The following SLC35F1 variants were observed in gnomAD, a reference collection of about 807,000 sequenced individuals.
SLC35F1 encodes the protein solute carrier family 35 member F1.
SLC35F1 carries 14 observed loss-of-function variants against 48.7 expected under a neutral mutation model. That is an observed-to-expected ratio of 0.29 (90% confidence interval 0.19 to 0.45). SLC35F1 has a LOEUF of 0.45. SLC35F1 is among the 20% of genes least tolerant of loss of function. The pLI, the probability that SLC35F1 is intolerant of heterozygous loss-of-function variation, is 1.00. For synonymous variants in SLC35F1, 190 were observed against 202.2 expected (o/e 0.94, Z 0.51); for missense variants, 404 against 500.0 (o/e 0.81, Z 1.83).
chr6:118,124,234 A>T (rs926971517), intron 1 of SLC35F1, among the ~76,000 whole-genome samples: 1 of 152,262 alleles, frequency 6.6e-6, no homozygotes, highest in East Asian at 1.9e-4. Flanking sequence ...TATTTCTTTC[A>T]ACCCTAAAAT....
At chr6:118,147,099 C>T (rs1773985481) in intron 1 of SLC35F1, among the ~76,000 whole-genome samples, 1 of 152,076 alleles carries the variant, frequency 6.6e-6, no homozygotes, top group Non-Finnish European at 1.5e-5. Flanking sequence ...CACAGGGGTG[C>T]AGGGTACACA....
At chr6:117,978,824 AT>A (rs1323147752) in intron 1 of SLC35F1, among the ~76,000 whole-genome samples, 1 of 152,238 alleles carries the variant, frequency 6.6e-6, no homozygotes, top group Non-Finnish European at 1.5e-5. Flanking sequence ...AGCCTGTCCC[AT>A]TACTTACACT....
At position 118,315,800 on chromosome 6, in the gene SLC35F1, T is replaced by C. The variant is rs1415163903; in HGVS notation, c.*1548T>C. The C allele has an allele frequency of 6.6e-6, 1 of 152,162 alleles. No individual in the cohort carries two copies. Among genetic ancestry groups the C allele is most frequent in the Non-Finnish European group, 1.5e-5 (1 of 68,024 alleles). 9.4% of individuals were successfully genotyped at this position (152,162 alleles called of 1,614,324 possible). A position where few individuals can be genotyped will look rare whatever the true frequency, so the allele number is the denominator to read the frequency against. Reference sequence around the variant, plus strand: ...GATCCTGATAAGACCTTGAGTGATATGTCACTAGTCTAATCTGTTGCCCTT... The same window carrying C: ...GATCCTGATAAGACCTTGAGTGATACGTCACTAGTCTAATCTGTTGCCCTT... On this transcript the variant is annotated 3_prime_UTR_variant, in exon 8 of 8. Coordinates refer to ENST00000360388, the MANE Select transcript of SLC35F1 (RefSeq NM_001029858.4).
intron 3 of SLC35F1, among the ~76,000 whole-genome samples, chr6:118,251,326 A>T (rs9385039): frequency 0.01 from 1,490 of 147,570 alleles, 27 homozygotes; most frequent in African/African-American, 0.035. Flanking sequence ...TGTTTTTTAA[A>T]TTTTTTTTTT....
intron 1 of SLC35F1, among the ~76,000 whole-genome samples, chr6:117,979,113 T>C (rs1031831115): frequency 1.4e-4 from 22 of 152,244 alleles, no homozygotes; most frequent in African/African-American, 5.1e-4. Flanking sequence ...GACTCATTTA[T>C]ATGTTAGTAG....
chr6:118,266,691 A>G (rs1408846980), intron 3 of SLC35F1, among the ~76,000 whole-genome samples: 1 of 152,152 alleles, frequency 6.6e-6, no homozygotes, highest in Non-Finnish European at 1.5e-5. Flanking sequence ...CCTGAGGAAG[A>G]CAGGAGGCAG....
chr6:118,268,584 G>GTGTATATATATATATA (rs1554242737), intron 4 of SLC35F1, among the ~76,000 whole-genome samples: 1 of 67,274 alleles, frequency 1.5e-5, no homozygotes, highest in Admixed American at 1.8e-4. Context: ...TCATATATAT[G>GTGTATATATATATATA]TATATATATA....
At chr6:118,133,388 A>G (rs1773745536) in intron 1 of SLC35F1, among the ~76,000 whole-genome samples, 1 of 152,062 alleles carries the variant, frequency 6.6e-6, no homozygotes, top group South Asian at 2.1e-4. Flanking sequence ...TAGGTTCTGG[A>G]AAAAAAAGTC....
At chr6:118,097,261 T>A (rs375479956) in intron 1 of SLC35F1, among the ~76,000 whole-genome samples, 2 of 152,298 alleles carry the variant, frequency 1.3e-5, no homozygotes. Flanking sequence ...ATTCCTTTTG[T>A]GCTATATGCA....
At chr6:118,152,211 A>T (rs1264659191) in intron 1 of SLC35F1, among the ~76,000 whole-genome samples, 1 of 152,162 alleles carries the variant, frequency 6.6e-6, no homozygotes, top group Non-Finnish European at 1.5e-5. Flanking sequence ...GGAAATAATA[A>T]CTTATACAAG....
intron 1 of SLC35F1, among the ~76,000 whole-genome samples, chr6:118,022,726 T>C (rs1444582226): frequency 6.6e-6 from 1 of 150,888 alleles, no homozygotes; most frequent in Non-Finnish European, 1.5e-5. Flanking sequence ...TGCAAGTGAC[T>C]CAAGGCTACA....
chr6:118,187,324 A>C (rs1277736466), intron 2 of SLC35F1, among the ~76,000 whole-genome samples: 3 of 152,220 alleles, frequency 2.0e-5, no homozygotes, highest in Non-Finnish European at 4.4e-5. Flanking sequence ...CGAGACTGAC[A>C]AATGTTCCAG....
At position 118,160,475 on chromosome 6, in the gene SLC35F1, A is replaced by G. The variant is rs565204736; in HGVS notation, c.349+5855A>G. Among the ~76,000 whole-genome samples, 18 of 152,370 alleles carry G rather than the reference A, an allele frequency of 1.2e-4. No homozygotes were observed. In the South Asian group the frequency reaches 1.9e-3, roughly 16 times the overall value. ...AATGAAACAAGTCTCTAATAGTGCT[A>G]ATAGAACACTCATAAAAATATCACC... On this transcript the variant is annotated intron_variant, in intron 2 of 7. Coordinates refer to ENST00000360388, the MANE Select transcript of SLC35F1 (RefSeq NM_001029858.4).
In SLC35F1 at chr6:118,031,243, CT is replaced by C. The variant is rs1772041998; in HGVS notation, c.174-123200del. Among the ~76,000 whole-genome samples the C allele has an allele frequency of 2.6e-5, 4 of 151,928 alleles. No individual in the cohort carries two copies. In the South Asian group the frequency reaches 8.3e-4, roughly 32 times the overall value. ...GGTTTCTTTATCCCTTACATCTGAACTTATTAGTAATTTTTAAGTAAATGTA... is the reference window on the plus strand; with the variant it reads ...GGTTTCTTTATCCCTTACATCTGAACTATTAGTAATTTTTAAGTAAATGTA... On this transcript the variant is annotated intron_variant, in intron 1 of 7. Coordinates refer to ENST00000360388, the MANE Select transcript of SLC35F1 (RefSeq NM_001029858.4).
intron 1 of SLC35F1, among the ~76,000 whole-genome samples, chr6:117,912,931 A>G (rs1320722760): frequency 6.6e-6 from 1 of 152,188 alleles, no homozygotes; most frequent in Non-Finnish European, 1.5e-5. Context: ...TCAGTGTCTT[A>G]GGGGCATCTT....
chr6:118,070,747 A>G, intron 1 of SLC35F1, among the ~76,000 whole-genome samples: 1 of 149,712 alleles, frequency 6.7e-6, no homozygotes, highest in Non-Finnish European at 1.5e-5. Flanking sequence ...ATAGATGAAT[A>G]CTTAGATTTT....
At chr6:118,106,755 G>C (rs528505589) in intron 1 of SLC35F1, among the ~76,000 whole-genome samples, 1 of 152,146 alleles carries the variant, frequency 6.6e-6, no homozygotes, top group Non-Finnish European at 1.5e-5. Context: ...AATAGGCTAT[G>C]CCTCCAACTC....
chr6:118,235,654 T>C lies in SLC35F1; in HGVS notation c.477+18T>C. 1 of 1,608,070 alleles carries C rather than the reference T, an allele frequency of 6.2e-7. No individual in the cohort carries two copies. The highest frequency in any genetic ancestry group is 8.5e-7 in the Non-Finnish European group (1 of 1,177,790). ...GTATCCAGGTACCCATGGTTCTTCT[T>C]CCCTTCTCAACTTCCTCTATCCAGA... On this transcript the variant is annotated intron_variant, in intron 3 of 7. Coordinates refer to ENST00000360388, the MANE Select transcript of SLC35F1 (RefSeq NM_001029858.4).
At chr6:118,071,334 CTAAT>C (rs1169178126) in intron 1 of SLC35F1, among the ~76,000 whole-genome samples, 1 of 151,648 alleles carries the variant, frequency 6.6e-6, no homozygotes, top group Non-Finnish European at 1.5e-5. Flanking sequence ...CCTGGAGTTT[CTAAT>C]TACTCTTCTT....
Sources: allele counts gnomAD v4.1 joint callset (sites outside exome capture counted in the v4.1 genomes callset), GRCh38; gene constraint gnomAD v4.1.1; transcripts MANE v1.5; gene names NCBI Gene and HGNC (gene_info 2026-07-23, HGNC 2026-07-21).